Variants in DCC observed in about 807,000 individuals in gnomAD.
DCC encodes the protein netrin receptor DCC.
A neutral mutation model predicts 172.5 loss-of-function variants in DCC; 58 were observed. The observed-to-expected ratio is 0.34, with a 90% CI of 0.27 to 0.42. DCC has a LOEUF of 0.42. Ranked by LOEUF, DCC falls within the 10% of genes least tolerant of loss-of-function variation. The pLI is 1.00. For synonymous variants in DCC, 709 were observed against 644.5 expected, an observed-to-expected ratio of 1.10 and a Z score of -1.52; for missense variants, 1,740 against 1,791.0, an observed-to-expected ratio of 0.97 and a Z score of 0.51.
At chr18:53,446,536 G>T (rs531313564) in intron 22 of DCC, among the ~76,000 whole-genome samples, 2 of 152,302 alleles carry the variant, frequency 1.3e-5, no homozygotes, top group East Asian at 3.9e-4. Flanking sequence ...CTAGGTTTGA[G>T]AGCTCTAAAA....
At chr18:52,343,695 T>G (rs1983755268) in intron 1 of DCC, among the ~76,000 whole-genome samples, 1 of 152,186 alleles carries the variant, frequency 6.6e-6, no homozygotes, top group Admixed American at 6.5e-5. Context: ...GAGGCATACA[T>G]ATTAATTAAT....
rs1303147251 is a variant in DCC at position 53,486,912 on chromosome 18, C to G, written c.3852C>G (p.Phe1284Leu). Residue 1284 changes from phenylalanine to leucine, a missense_variant, in exon 26 of 29, where the codon TTC becomes TTG. By Grantham distance (22) the Phe-to-Leu change is conservative. This residue lies in a region of DCC where 1,732 missense variants were observed against 1,767.4 expected (regional missense o/e 0.98). Transcript: ENST00000442544. The part of the protein sequence containing the change: ...HPQFTLRPVP[F>L]PTLSVDRGFG... ...AGTTCACTCTCCGGCCTGTGCCATT[C>G]CCAACACTCTCAGTGGACCGAGGTT... 1.9e-6 allele frequency: 3 copies of G among 1,614,098 alleles called. No individual in the cohort carries two copies. The African/African-American group carries it at 4.0e-5, about 22-fold the overall frequency.
intron 7 of DCC, among the ~76,000 whole-genome samples, chr18:53,153,839 T>C (rs998085200): frequency 2.0e-5 from 3 of 152,084 alleles, no homozygotes; most frequent in Admixed American, 6.5e-5. Flanking sequence ...GAGGAGAACA[T>C]ACTTAATATA....
intron 5 of DCC, among the ~76,000 whole-genome samples, chr18:53,031,223 C>G (rs757337689): frequency 9.2e-5 from 14 of 152,150 alleles, no homozygotes; most frequent in South Asian, 4.1e-4. Context: ...TGTGCCACTG[C>G]ACTCCAGCCT....
chr18:52,836,484 C>A (rs1162902211), intron 2 of DCC, among the ~76,000 whole-genome samples: 1 of 152,158 alleles, frequency 6.6e-6, no homozygotes, highest in South Asian at 2.1e-4. Flanking sequence ...TGGGTAAATA[C>A]ACCTGTTCCA....
intron 2 of DCC, among the ~76,000 whole-genome samples, chr18:52,849,676 G>A (rs1480700965): frequency 1.3e-5 from 2 of 152,152 alleles, no homozygotes; most frequent in African/African-American, 4.8e-5. Context: ...TTCATAAAAA[G>A]TAGCCTTTAT....
intron 5 of DCC, among the ~76,000 whole-genome samples, chr18:52,999,711 G>C (rs2041535803): frequency 6.6e-6 from 1 of 152,054 alleles, no homozygotes; most frequent in South Asian, 2.1e-4. Flanking sequence ...TTAGGAGAGA[G>C]ACTTCATACA....
At position 53,391,613 on chromosome 18, in the gene DCC, G is replaced by A. The variant is rs189948939; in HGVS notation, c.2456-42G>A. Reference sequence around the variant, plus strand: ...TTTATTTTTTAACGCTTTTATTTACGTATTTATTTGTTTGTTTCATTTGGT... The same window carrying A: ...TTTATTTTTTAACGCTTTTATTTACATATTTATTTGTTTGTTTCATTTGGT... On this transcript the variant is annotated intron_variant, in intron 16 of 28. Transcript: ENST00000442544. 418 of 1,246,260 alleles carry A rather than the reference G, an allele frequency of 3.4e-4. No individual in the cohort carries two copies. The African/African-American group carries it at 4.9e-3, about 15-fold the overall frequency. The allele number at this position is 1,246,260 out of a possible 1,614,324, so 77.2% of individuals were successfully genotyped here.
chr18:52,635,978 A>T (rs975240638), intron 1 of DCC, among the ~76,000 whole-genome samples: 3 of 152,206 alleles, frequency 2.0e-5, no homozygotes, highest in African/African-American at 7.2e-5. Context: ...ACGGAAGTGG[A>T]CTGCTCCTGC....
intron 12 of DCC, among the ~76,000 whole-genome samples, chr18:53,304,449 C>T (rs749862230): frequency 1.3e-5 from 2 of 152,050 alleles, no homozygotes; most frequent in Non-Finnish European, 2.9e-5. Flanking sequence ...ACCTGGTTGC[C>T]ATTGCTCTAG....
In DCC at chr18:53,024,963, T is replaced by C. The variant is rs2041936313; in HGVS notation, c.986-38342T>C. Among the ~76,000 whole-genome samples the C allele has an allele frequency of 2.0e-5, 3 of 152,264 alleles. No individual in the cohort carries two copies. In the South Asian group the frequency reaches 6.2e-4, roughly 32 times the overall value. On this transcript the variant is annotated intron_variant, in intron 5 of 28. Coordinates refer to ENST00000442544, the MANE Select transcript of DCC (RefSeq NM_005215.4). The stretch of plus-strand genomic sequence containing the variant: ...AACATTATCATTGTAAATTTTCCCC[T>C]ATCAAAATGCATTTTTATTTACATA...
chr18:53,490,183 G>A (rs780536062), intron 26 of DCC, among the ~76,000 whole-genome samples: 4 of 152,030 alleles, frequency 2.6e-5, no homozygotes, highest in Non-Finnish European at 5.9e-5. Context: ...ATAAAATGAG[G>A]AGTGCAATGG....
chr18:52,705,365 A>G (rs2036188922), intron 1 of DCC, among the ~76,000 whole-genome samples: 1 of 152,162 alleles, frequency 6.6e-6, no homozygotes, highest in African/African-American at 2.4e-5. Flanking sequence ...AAATGTGGGC[A>G]CTTTCAGAAT....
chr18:53,180,795 T>C (rs12456765), intron 9 of DCC, among the ~76,000 whole-genome samples: 54,209 of 151,954 alleles, frequency 0.36, 11,073 homozygotes, highest in South Asian at 0.6. Context: ...GTATTTTTAG[T>C]AGAGACGAGC....
Position 52,950,203 on chromosome 18 carries a change from AT to A in DCC, c.985+24834del, listed in dbSNP as rs533229865. ...CTGATTCATCAAGTTATCCCCCAGA[AT>A]AGGGGCTTTTAGGGAAATTCCACAG... On this transcript the variant is annotated intron_variant, in intron 5 of 28. Coordinates refer to ENST00000442544, the MANE Select transcript of DCC (RefSeq NM_005215.4). Among the ~76,000 whole-genome samples, 417 of 152,280 alleles carry A rather than the reference AT, an allele frequency of 2.7e-3. 1 individual carries two copies. The highest frequency in any genetic ancestry group is 4.0e-3 in the Non-Finnish European group (270 of 68,018).
chr18:52,900,664 A>T (rs893401430), intron 2 of DCC, among the ~76,000 whole-genome samples: 1 of 152,220 alleles, frequency 6.6e-6, no homozygotes, highest in Admixed American at 6.5e-5. Flanking sequence ...TTTCCTTTTT[A>T]TAGTTTCTCA....
intron 1 of DCC, among the ~76,000 whole-genome samples, chr18:52,559,010 A>T (rs1393032363): frequency 6.6e-6 from 1 of 152,214 alleles, no homozygotes; most frequent in Non-Finnish European, 1.5e-5. Context: ...CTCGATTTCT[A>T]ACTACTCGTT....
rs955663675 is a variant in DCC, at chr18:53,212,924, G to A, written c.1862-2624G>A. 2.6e-5 allele frequency among the ~76,000 whole-genome samples: 4 copies of A among 152,018 alleles called. No homozygotes were observed. The South Asian group carries it at 6.2e-4, about 24-fold the overall frequency. On this transcript the variant is annotated intron_variant, in intron 11 of 28. Transcript: ENST00000442544. ...TGACCTCAAGTGAGCCACCTCCCTC[G>A]GGCTCCCAAAGTGCTGGGATTACAG...
chr18:52,783,321 CTCTTTTTTTTTTTTTTT>C (rs2037586148), intron 2 of DCC, among the ~76,000 whole-genome samples: 2 of 62,146 alleles, frequency 3.2e-5, no homozygotes, highest in African/African-American at 1.3e-4. Flanking sequence ...TATACTACTA[CTCTTTTTTTTTTTTTTT>C]TTTTTTTTTT....
Sources: gnomAD v4.1 joint callset for allele counts (sites outside exome capture counted in the v4.1 genomes callset) on GRCh38, gnomAD v4.1.1 for gene constraint, gnomAD v4.1.1 regional missense constraint, MANE v1.5 for transcripts, NCBI Gene and HGNC (gene_info 2026-07-23, HGNC 2026-07-21) for gene names.